Variants in ARHGAP22 observed in about 807,000 individuals in gnomAD.
ARHGAP22 encodes rho GTPase-activating protein 22.
A neutral mutation model predicts 59.1 loss-of-function variants in ARHGAP22; 48 were observed. That is an observed-to-expected ratio of 0.81 (90% CI 0.64 to 1.03). ARHGAP22 has a LOEUF of 1.03. ARHGAP22 is among the 50% of genes least tolerant of loss of function. The pLI, the probability that ARHGAP22 is intolerant of heterozygous loss-of-function variation, is 0.00. For missense variants in ARHGAP22, 1,015 were observed against 958.7 expected (o/e 1.06, Z -0.78); for synonymous variants, 445 against 416.4 (o/e 1.07, Z -0.84).
chr10:48,549,954 A>G (rs2056771449), intron 3 of ARHGAP22, among the ~76,000 whole-genome samples: 1 of 152,226 alleles, frequency 6.6e-6, no homozygotes, highest in Non-Finnish European at 1.5e-5. Flanking sequence ...CCTGCCACAG[A>G]GGACAACTTT....
chr10:48,539,093 C>T (rs1026531840), intron 3 of ARHGAP22, among the ~76,000 whole-genome samples: 2 of 152,100 alleles, frequency 1.3e-5, no homozygotes, highest in African/African-American at 2.4e-5. Flanking sequence ...TTGCCTTGAC[C>T]AGCCTAGAGT....
chr10:48,574,537 G>A (rs1215865180), intron 2 of ARHGAP22, among the ~76,000 whole-genome samples: 2 of 152,222 alleles, frequency 1.3e-5, no homozygotes, highest in Admixed American at 6.5e-5. Context: ...GTCAACTTGA[G>A]CTGGGTGGAG....
intron 3 of ARHGAP22, among the ~76,000 whole-genome samples, chr10:48,551,899 A>C (rs983632159): frequency 1.2e-4 from 18 of 152,172 alleles, no homozygotes; most frequent in Non-Finnish European, 2.2e-4. Context: ...TTGGAGGGCA[A>C]TTTTAGTGTG....
intron 3 of ARHGAP22, chr10:48,532,677 C>T (rs1000758410): frequency 6.6e-6 from 1 of 150,596 alleles, no homozygotes; most frequent in Admixed American, 6.6e-5. Context: ...TGATGTTCCC[C>T]TTCCTGTGTC....
At chr10:48,493,750 G>A (rs2050650095) in intron 3 of ARHGAP22, 11 of 1,033,862 alleles carry the variant, frequency 1.1e-5, no homozygotes, top group African/African-American at 6.5e-5. Flanking sequence ...GTGGGAGGTC[G>A]GCGTGGTTGT....
chr10:48,655,024 T>TTCTTTCTTTC (rs2062733819), upstream of ARHGAP22, among the ~76,000 whole-genome samples: 1 of 60,012 alleles, frequency 1.7e-5, no homozygotes, highest in African/African-American at 6.6e-5. Context: ...CTTTCTTTCT[T>TTCTTTCTTTC]TCTTTCATTC....
At chr10:48,644,151 AAAAG>A (rs139468255) in intron 1 of ARHGAP22, among the ~76,000 whole-genome samples, 2,274 of 152,346 alleles carry the variant, frequency 0.015, 61 homozygotes, top group African/African-American at 0.051. Flanking sequence ...CTATCTCAAA[AAAAG>A]AAAGAAAGAA....
chr10:48,538,761 G>A (rs767912217), intron 3 of ARHGAP22, among the ~76,000 whole-genome samples: 3 of 152,122 alleles, frequency 2.0e-5, no homozygotes, highest in Admixed American at 6.5e-5. Flanking sequence ...GGGGAACTAC[G>A]CTGCCTCCAT....
intron 2 of ARHGAP22, among the ~76,000 whole-genome samples, chr10:48,582,069 C>A (rs1033708864): frequency 1.3e-5 from 2 of 152,206 alleles, no homozygotes; most frequent in Non-Finnish European, 2.9e-5. Flanking sequence ...TCATGCCCAG[C>A]TCCCCCTTCA....
intron 1 of ARHGAP22, among the ~76,000 whole-genome samples, chr10:48,629,714 G>C (rs2136086093): frequency 6.6e-6 from 1 of 152,294 alleles, no homozygotes; most frequent in East Asian, 1.9e-4. Flanking sequence ...TTTAGAATCA[G>C]TGTGCCAATA....
At chr10:48,621,527 T>C (rs1466508811) in intron 1 of ARHGAP22, among the ~76,000 whole-genome samples, 2 of 152,352 alleles carry the variant, frequency 1.3e-5, no homozygotes, top group Non-Finnish European at 2.9e-5. Context: ...TTGTTAAAAG[T>C]ATAAATCACA....
intron 4 of ARHGAP22, among the ~76,000 whole-genome samples, chr10:48,466,870 C>T (rs2047771859): frequency 6.6e-6 from 1 of 152,174 alleles, no homozygotes; most frequent in Non-Finnish European, 1.5e-5. Flanking sequence ...CGGTGTCAAA[C>T]TTCACACCCT....
chr10:48,641,551 A>G (rs1468202083), intron 1 of ARHGAP22, among the ~76,000 whole-genome samples: 2 of 152,258 alleles, frequency 1.3e-5, no homozygotes, highest in East Asian at 1.9e-4. Context: ...ACAGCCCTTC[A>G]TACTAAAAAC....
In ARHGAP22 at chr10:48,450,738, C is replaced by T; in HGVS notation, c.1391G>A (p.Gly464Glu). 1 of 1,559,584 alleles carries T rather than the reference C, an allele frequency of 6.4e-7. No homozygotes were observed. Among genetic ancestry groups the T allele is most frequent in the Non-Finnish European group, 8.7e-7 (1 of 1,152,398 alleles). The part of the protein sequence containing the change: ...ISSGGNWLMN[G>E]LSSLRGHRRA... The stretch of plus-strand genomic sequence containing the variant: ...GCGGTGTCCGCGCAGGGAGGACAGC[C>T]CGTTCATAAGCCAGTTCCCGCCGGA... Residue 464 changes from glycine (G) to glutamate (E), a missense_variant, in exon 9 of 10, where the codon GGG becomes GAG. By Grantham distance (98) the Gly-to-Glu change is moderately conservative. Transcript: ENST00000249601.
chr10:48,643,820 C>T (rs2062171486), intron 1 of ARHGAP22, among the ~76,000 whole-genome samples: 1 of 150,656 alleles, frequency 6.6e-6, no homozygotes, highest in Non-Finnish European at 1.5e-5. Flanking sequence ...TGGAACTGGT[C>T]ATGTTAATAT....
chr10:48,562,731 A>G lies in ARHGAP22; in HGVS notation c.235-7181T>C, dbSNP rs1169029089. 2.0e-5 allele frequency among the ~76,000 whole-genome samples: 3 copies of G among 152,326 alleles called. No individual in the cohort carries two copies. In the East Asian group the frequency reaches 5.8e-4, roughly 29 times the overall value. On this transcript the variant is annotated intron_variant, in intron 2 of 9. Coordinates refer to ENST00000249601, the MANE Select transcript of ARHGAP22 (RefSeq NM_021226.4). ...ATTGTGGTGATAGTGTCACAGATGC[A>G]CATCTATATTAAGACTTACCAAACT...
At chr10:48,555,433 G>A (rs1490194245) in intron 3 of ARHGAP22, 30 bp downstream of exon 3, 1 of 1,604,656 alleles carries the variant, frequency 6.2e-7, no homozygotes, top group Non-Finnish European at 8.5e-7. Context: ...CCCCACCAGG[G>A]CTGCAGAGCT....
At chr10:48,501,880 T>G (rs2051560038) in intron 3 of ARHGAP22, among the ~76,000 whole-genome samples, 1 of 152,204 alleles carries the variant, frequency 6.6e-6, no homozygotes, top group Non-Finnish European at 1.5e-5. Flanking sequence ...AGCTGGATAC[T>G]GGGCCCCAGG....
chr10:48,460,152 G>A (rs928789651), intron 4 of ARHGAP22, among the ~76,000 whole-genome samples: 6 of 152,180 alleles, frequency 3.9e-5, no homozygotes, highest in African/African-American at 1.4e-4. Flanking sequence ...GTGTGACCTG[G>A]CCATGGAGCT....
Sources: gnomAD v4.1 joint callset for allele counts (sites outside exome capture counted in the v4.1 genomes callset) on GRCh38, gnomAD v4.1.1 for gene constraint, MANE v1.5 for transcripts, NCBI Gene and HGNC (gene_info 2026-07-23, HGNC 2026-07-21) for gene names.